The following TIAM1 variants were observed in gnomAD, a reference collection of about 807,000 sequenced individuals.
The protein encoded by TIAM1 is TIAM Rac1 associated GEF 1.
In TIAM1, 65 loss-of-function variants were observed where a neutral mutation model predicts 163.5. The observed-to-expected ratio is 0.40, with a 90% CI of 0.33 to 0.49. The LOEUF is 0.49. Ranked by LOEUF, TIAM1 falls within the 20% of genes least tolerant of loss-of-function variation. The probability of loss-of-function intolerance (pLI) is 0.77; values close to 1 mark genes in which losing one functional copy is unlikely to be tolerated. For missense variants in TIAM1, 1,789 were observed against 2,044.7 expected, an observed-to-expected ratio of 0.87 and a Z score of 2.41; for synonymous variants, 833 against 810.1, an observed-to-expected ratio of 1.03 and a Z score of -0.48.
intron 1 of TIAM1, among the ~76,000 whole-genome samples, chr21:31,543,636 G>C (rs971091813): frequency 3.3e-5 from 5 of 152,180 alleles, no homozygotes; most frequent in Admixed American, 2.0e-4. Context: ...AGATTTTGAC[G>C]TGCAGAAATA....
chr21:31,419,942 G>A (rs1435861210), intron 2 of TIAM1, among the ~76,000 whole-genome samples: 1 of 152,148 alleles, frequency 6.6e-6, no homozygotes, highest in African/African-American at 2.4e-5. Context: ...CCAGCTACTT[G>A]GGAGGCTGAG....
chr21:31,141,359 G>C lies in TIAM1; in HGVS notation c.3621C>G (p.Thr1207=), dbSNP rs201062270. ...PLLLRELFAL[T]DAESEEHYHL... ...GGTAGTGCTCCTCGCTCTCCGCATC[G>C]GTCAGGGCGAACAGCTCCCTGAGCA... The change falls in exon 21 of 28, where the codon ACC becomes ACG. Residue 1207 remains threonine, a synonymous_variant. Coordinates refer to ENST00000541036, the MANE Select transcript of TIAM1 (RefSeq NM_001353694.2). The surrounding 1 kb of genome is among the most constrained non-coding windows in gnomAD (Gnocchi z 4.7). 2 of 1,614,222 alleles carry C rather than the reference G, an allele frequency of 1.2e-6. No homozygotes were observed. The highest frequency in any genetic ancestry group is 1.7e-5 in the Admixed American group (1 of 60,030).
intron 2 of TIAM1, among the ~76,000 whole-genome samples, chr21:31,319,507 G>A (rs1280265777): frequency 2.6e-5 from 4 of 151,932 alleles, no homozygotes; most frequent in African/African-American, 7.3e-5. Context: ...GGCCGGGCAC[G>A]GTGGCTCATA....
intron 8 of TIAM1, among the ~76,000 whole-genome samples, chr21:31,219,152 A>G (rs1215649417): frequency 1.3e-5 from 2 of 150,794 alleles, no homozygotes; most frequent in Non-Finnish European, 2.9e-5. Context: ...TCACCAGGAT[A>G]ATTGCTCAAG....
At chr21:31,450,299 C>A (rs1451330010) in intron 2 of TIAM1, among the ~76,000 whole-genome samples, 2 of 152,218 alleles carry the variant, frequency 1.3e-5, no homozygotes, top group African/African-American at 2.4e-5. Flanking sequence ...CAAGGAGAAG[C>A]ACGTCCGAGA....
At chr21:31,346,547 T>C (rs903917192), upstream of TIAM1, among the ~76,000 whole-genome samples, 1 of 152,160 alleles carries the variant, frequency 6.6e-6, no homozygotes, top group Non-Finnish European at 1.5e-5. Context: ...CGGGACTGTC[T>C]TGAGAATCAG....
chr21:31,465,824 C>T (rs2045510651), intron 1 of TIAM1, among the ~76,000 whole-genome samples: 1 of 152,168 alleles, frequency 6.6e-6, no homozygotes, highest in African/African-American at 2.4e-5. Context: ...CCCTCCTTGG[C>T]CTCCCAAAAG....
chr21:31,539,915 C>T (rs1328566413), intron 1 of TIAM1, among the ~76,000 whole-genome samples: 1 of 151,952 alleles, frequency 6.6e-6, no homozygotes, highest in African/African-American at 2.4e-5. Flanking sequence ...AGGCCCAGTG[C>T]AAGCTGTGGT....
At chr21:31,511,308 A>T (rs1462386736) in intron 1 of TIAM1, among the ~76,000 whole-genome samples, 2 of 152,220 alleles carry the variant, frequency 1.3e-5, no homozygotes, top group Non-Finnish European at 2.9e-5. Context: ...TTAGCCATAC[A>T]TAGAAAGCCT....
intron 7 of TIAM1, among the ~76,000 whole-genome samples, chr21:31,224,133 C>A (rs1456788596): frequency 1.3e-5 from 2 of 152,000 alleles, no homozygotes; most frequent in African/African-American, 4.8e-5. Context: ...TTCAAAGTGG[C>A]AAAATAATAA....
chr21:31,287,298 T>A (rs976883229), intron 2 of TIAM1, among the ~76,000 whole-genome samples: 1 of 152,212 alleles, frequency 6.6e-6, no homozygotes, highest in African/African-American at 2.4e-5. Flanking sequence ...AGACAGAGTA[T>A]CTATGTAGAA....
intron 1 of TIAM1, among the ~76,000 whole-genome samples, chr21:31,524,215 A>G (rs1018353526): frequency 1.3e-5 from 2 of 152,200 alleles, no homozygotes; most frequent in African/African-American, 4.8e-5. Flanking sequence ...TGCAGATTGT[A>G]CAAGAAGCAC....
At chr21:31,335,644 G>A (rs1482145655) in intron 2 of TIAM1, among the ~76,000 whole-genome samples, 2 of 151,730 alleles carry the variant, frequency 1.3e-5, no homozygotes, top group East Asian at 3.9e-4. Context: ...GGCGGAGGTT[G>A]CAGTGAGCCG....
chr21:31,171,379 T>G (rs1192674695), intron 15 of TIAM1, among the ~76,000 whole-genome samples: 1 of 152,206 alleles, frequency 6.6e-6, no homozygotes, highest in Non-Finnish European at 1.5e-5. Flanking sequence ...CAGATTTTGC[T>G]GAAATTAAAC....
intron 6 of TIAM1, among the ~76,000 whole-genome samples, chr21:31,227,232 C>T (rs2088042820): frequency 6.6e-6 from 1 of 152,134 alleles, no homozygotes; most frequent in African/African-American, 2.4e-5. Flanking sequence ...GCTGGGATTA[C>T]AGATGTGAGC....
chr21:31,177,799 G>A (rs187986431), intron 15 of TIAM1, among the ~76,000 whole-genome samples: 38 of 152,234 alleles, frequency 2.5e-4, no homozygotes, highest in Non-Finnish European at 4.4e-4. Flanking sequence ...GGAGGACCTG[G>A]CCAAGTCTGA....
At chr21:31,275,805 A>C (rs1353607679) in intron 3 of TIAM1, among the ~76,000 whole-genome samples, 1 of 152,150 alleles carries the variant, frequency 6.6e-6, no homozygotes. Context: ...TATCATATTC[A>C]AGTTAACTGT....
chr21:31,552,855 A>T (rs765520226), intron 1 of TIAM1, among the ~76,000 whole-genome samples: 10 of 152,214 alleles, frequency 6.6e-5, no homozygotes, highest in Non-Finnish European at 1.2e-4. Context: ...GAATCATCAT[A>T]AAAAGGTCAA....
At chr21:31,353,354 G>A (rs1051880115) in intron 2 of TIAM1, among the ~76,000 whole-genome samples, 2 of 152,194 alleles carry the variant, frequency 1.3e-5, no homozygotes, top group African/African-American at 4.8e-5. Context: ...CAGTCTAAGT[G>A]AGAATTGCGG....
Sources: gnomAD v4.1 joint callset for allele counts (sites outside exome capture counted in the v4.1 genomes callset) on GRCh38, gnomAD v4.1.1 for gene constraint, Gnocchi (gnomAD v3.1) non-coding constraint, MANE v1.5 for transcripts, NCBI Gene and HGNC (gene_info 2026-07-23, HGNC 2026-07-21) for gene names.